The following DOP1A variants were observed in gnomAD, a reference collection of about 807,000 sequenced individuals.
The protein encoded by DOP1A is DOP1 leucine zipper like protein A.
Under a neutral mutation model 267.6 loss-of-function variants are expected in DOP1A, and 90 were observed. That is an observed-to-expected ratio of 0.34 (90% CI 0.28 to 0.40). DOP1A has a LOEUF of 0.40. Ranked by LOEUF, DOP1A falls within the 10% of genes least tolerant of loss-of-function variation. The pLI is 1.00. For synonymous variants in DOP1A, 932 were observed against 999.1 expected (o/e 0.93, Z 1.27); for missense variants, 2,437 against 2,900.4 (o/e 0.84, Z 3.67).
intron 7 of DOP1A, among the ~76,000 whole-genome samples, chr6:83,115,935 T>G (rs1295854212): frequency 6.6e-6 from 1 of 152,200 alleles, no homozygotes; most frequent in Non-Finnish European, 1.5e-5. Context: ...AATCTTCATA[T>G]CTTATGTTGG....
intron 17 of DOP1A, among the ~76,000 whole-genome samples, chr6:83,130,766 G>A (rs935062977): frequency 5.9e-5 from 9 of 151,344 alleles, no homozygotes; most frequent in Non-Finnish European, 7.4e-5. Flanking sequence ...TTTTTGAGAC[G>A]GTCTTGCTGT....
In DOP1A at chr6:83,168,265, C is replaced by G. The variant is rs918013829; in HGVS notation, c.*98C>G. ...ATAGTTTTTCCTTTTTTGTATGTAA[C>G]AGAACACATTTCAGATTGTATTTAA... On this transcript the variant is annotated 3_prime_UTR_variant, in exon 39 of 39. Transcript: ENST00000349129. 9.6e-6 allele frequency: 14 copies of G among 1,456,400 alleles called. No homozygotes were observed. The highest frequency in any genetic ancestry group is 5.3e-5 in the Admixed American group (2 of 37,488). 90.2% of individuals were successfully genotyped at this position (1,456,400 alleles called of 1,614,324 possible). A position where few individuals can be genotyped will look rare whatever the true frequency, so the allele number is the denominator to read the frequency against.
chr6:83,081,437 C>T (rs1206606008), intron 1 of DOP1A, among the ~76,000 whole-genome samples: 1 of 152,118 alleles, frequency 6.6e-6, no homozygotes, highest in East Asian at 1.9e-4. Flanking sequence ...ACAAAGGCAA[C>T]AGTAATACAC....
chr6:83,132,150 C>T (rs1220909346), intron 17 of DOP1A, 26 bp from the exon 18 acceptor site: 2 of 1,593,884 alleles, frequency 1.3e-6, no homozygotes, highest in East Asian at 4.5e-5. Flanking sequence ...GGTATTGTGA[C>T]TGTCACTTTT....
In DOP1A at chr6:83,139,066, T is replaced by G; in HGVS notation, c.5024T>G (p.Leu1675Arg). ...ACTCTGCCTTACATGGGAAAAGTTC[T>G]GCAGAGAGTGGTTGTTTCTGTGACA... ...TSTLPYMGKV[L>R]QRVVVSVTLQ... Residue 1675 changes from leucine (L) to arginine (R), a missense_variant, in exon 21 of 39, where the codon CTG becomes CGG. Coordinates refer to ENST00000349129, the MANE Select transcript of DOP1A (RefSeq NM_015018.4). 1.2e-6 allele frequency: 2 copies of G among 1,614,034 alleles called. No individual in the cohort carries two copies. Among genetic ancestry groups the G allele is most frequent in the Non-Finnish European group, 1.7e-6 (2 of 1,179,898 alleles).
At chr6:83,095,625 C>T (rs887700030) in intron 1 of DOP1A, among the ~76,000 whole-genome samples, 1 of 152,086 alleles carries the variant, frequency 6.6e-6, no homozygotes, top group Non-Finnish European at 1.5e-5. Flanking sequence ...TTCCTATTAC[C>T]CTAGATTACG....
intron 1 of DOP1A, among the ~76,000 whole-genome samples, chr6:83,079,801 TAAAG>T (rs1204187344): frequency 6.6e-6 from 1 of 152,118 alleles, no homozygotes; most frequent in Non-Finnish European, 1.5e-5. Flanking sequence ...TAGCTACAAA[TAAAG>T]ATACTTTGAG....
intron 4 of DOP1A, among the ~76,000 whole-genome samples, chr6:83,104,996 T>C (rs979936856): frequency 6.6e-6 from 1 of 152,218 alleles, no homozygotes; most frequent in Non-Finnish European, 1.5e-5. Flanking sequence ...AACCTGTCTA[T>C]GCTCCACTCT....
At chr6:83,152,926 G>A (rs1782009358) in intron 30 of DOP1A, among the ~76,000 whole-genome samples, 1 of 151,968 alleles carries the variant, frequency 6.6e-6, no homozygotes, top group Non-Finnish European at 1.5e-5. Context: ...CCTGGGGAGG[G>A]GTGGAGGTGA....
At chr6:83,130,565 C>T (rs1448536852) in intron 17 of DOP1A, among the ~76,000 whole-genome samples, 168 bp downstream of exon 17, 1 of 152,094 alleles carries the variant, frequency 6.6e-6, no homozygotes, top group Non-Finnish European at 1.5e-5. Context: ...ATACATACTG[C>T]TCTCCCCATC....
intron 38 of DOP1A, chr6:83,165,916 G>A (rs9449585): frequency 0.015 from 6,215 of 403,814 alleles, 177 homozygotes; most frequent in African/African-American, 0.073. Context: ...GATTCAGAAA[G>A]CTGTAGTGGA....
chr6:83,166,520 A>G (rs1785670082), intron 38 of DOP1A: 1 of 681,286 alleles, frequency 1.5e-6, no homozygotes, highest in South Asian at 1.6e-5. Context: ...CATCATTTCC[A>G]TAGTCTAAAA....
intron 1 of DOP1A, among the ~76,000 whole-genome samples, chr6:83,094,376 T>C (rs908030826): frequency 4.6e-5 from 7 of 152,246 alleles, no homozygotes; most frequent in African/African-American, 1.7e-4. Flanking sequence ...CACAAGTTTT[T>C]GAGTGTACAT....
intron 5 of DOP1A, among the ~76,000 whole-genome samples, chr6:83,109,766 A>T (rs533546584): frequency 1.2e-4 from 19 of 152,320 alleles, no homozygotes; most frequent in Non-Finnish European, 2.1e-4. Flanking sequence ...CTTATTAAAA[A>T]ACTAAAATGT....
At chr6:83,082,134 A>G (rs1376647154) in intron 1 of DOP1A, among the ~76,000 whole-genome samples, 1 of 152,060 alleles carries the variant, frequency 6.6e-6, no homozygotes, top group Admixed American at 6.5e-5. Context: ...AATGAAAAAA[A>G]TAGAACTACC....
chr6:83,160,049 G>T, intron 37 of DOP1A, 89 bp downstream of exon 37: 1 of 1,299,132 alleles, frequency 7.7e-7, no homozygotes, highest in Non-Finnish European at 1.1e-6. Flanking sequence ...AAAGTTTTTT[G>T]TGTAAGTTGA....
At chr6:83,096,073 A>C (rs780773037) in intron 1 of DOP1A, among the ~76,000 whole-genome samples, 2 of 152,100 alleles carry the variant, frequency 1.3e-5, no homozygotes, top group Non-Finnish European at 2.9e-5. Flanking sequence ...ATTGGGAACC[A>C]CTTTTTCAAA....
rs915746471 is a variant in DOP1A, at chr6:83,090,449, T to A, written c.-146-6282T>A. Among the ~76,000 whole-genome samples the A allele has an allele frequency of 3.3e-5, 5 of 152,300 alleles. No individual in the cohort carries two copies. In the East Asian group the frequency reaches 9.6e-4, roughly 29 times the overall value. On this transcript the variant is annotated intron_variant, in intron 1 of 38. Coordinates refer to ENST00000349129, the MANE Select transcript of DOP1A (RefSeq NM_015018.4). ...CTACTCTGTTATTAAGTATGTCTAT[T>A]TATTTTGTGTTTATTCTGGAGAAGA... is the stretch of plus-strand genomic sequence containing the variant.
At chr6:83,119,009 T>C (rs542828236) in intron 8 of DOP1A, 22 bp downstream of exon 8, 13 of 1,602,372 alleles carry the variant, frequency 8.1e-6, no homozygotes, top group Middle Eastern at 1.7e-4. Context: ...ATGTCTGTGG[T>C]CATGATTGGG....
Sources: gnomAD v4.1 joint callset for allele counts (sites outside exome capture counted in the v4.1 genomes callset) on GRCh38, gnomAD v4.1.1 for gene constraint, MANE v1.5 for transcripts, NCBI Gene and HGNC (gene_info 2026-07-23, HGNC 2026-07-21) for gene names.